BTBD1: variants seen among roughly 807,000 people sequenced by gnomAD.
BTBD1 encodes BTB/POZ domain-containing protein 1.
In BTBD1, 34 loss-of-function variants were observed where a neutral mutation model predicts 48.0. The ratio of observed to expected loss-of-function variants is 0.71; its 90% CI spans 0.54 to 0.94. BTBD1 has a LOEUF of 0.94. BTBD1 is among the 40% of genes least tolerant of loss of function. The pLI, the probability that BTBD1 is intolerant of heterozygous loss-of-function variation, is 0.00. For missense variants in BTBD1, 543 were observed against 625.6 expected (o/e 0.87, Z 1.41); for synonymous variants, 261 against 242.1 (o/e 1.08, Z -0.72).
intron 5 of BTBD1, among the ~76,000 whole-genome samples, chr15:83,025,815 C>G (rs2032394168): frequency 6.6e-6 from 1 of 151,850 alleles, no homozygotes; most frequent in African/African-American, 2.4e-5. Context: ...TGTCACCCAG[C>G]CTGGAGTGCA....
chr15:83,019,894 C>T (rs1416753986), intron 6 of BTBD1, among the ~76,000 whole-genome samples: 1 of 146,584 alleles, frequency 6.8e-6, no homozygotes, highest in African/African-American at 2.5e-5. Flanking sequence ...TGTGTGAACC[C>T]GGGAGGCGGA....
chr15:83,055,540 A>G (rs2033068473), intron 2 of BTBD1, among the ~76,000 whole-genome samples: 3 of 152,174 alleles, frequency 2.0e-5, no homozygotes, highest in Non-Finnish European at 2.9e-5. Flanking sequence ...TACAGGCTTG[A>G]GCCATCTTGC....
At chr15:83,051,546 T>C (rs2032982059) in intron 2 of BTBD1, among the ~76,000 whole-genome samples, 1 of 150,716 alleles carries the variant, frequency 6.6e-6, no homozygotes, top group Non-Finnish European at 1.5e-5. Flanking sequence ...CTCGAATGTT[T>C]GAAAATGCAC....
At chr15:83,057,954 C>G (rs1206403061) in intron 1 of BTBD1, among the ~76,000 whole-genome samples, 1 of 152,218 alleles carries the variant, frequency 6.6e-6, no homozygotes, top group Admixed American at 6.5e-5. Context: ...GCAGGGACCC[C>G]TCAAAGCCAT....
At chr15:83,055,849 T>G (rs2033072527) in intron 2 of BTBD1, among the ~76,000 whole-genome samples, 1 of 152,220 alleles carries the variant, frequency 6.6e-6, no homozygotes, top group Non-Finnish European at 1.5e-5. Context: ...ACTCCAATTC[T>G]AAATAGTTAT....
rs71156070 is a variant in BTBD1 at position 83,040,699 on chromosome 15, C to CAAAAAAAAAAAA, written c.862+1017_862+1028dup. 1.5e-3 allele frequency among the ~76,000 whole-genome samples: 86 copies of CAAAAAAAAAAAA among 57,238 alleles called. 2 individuals carry two copies. Among genetic ancestry groups the CAAAAAAAAAAAA allele is most frequent in the Middle Eastern group, 8.1e-3 (1 of 124 alleles). 37.6% of individuals were successfully genotyped at this position (57,238 alleles called of 152,430 possible). On this transcript the variant is annotated intron_variant, in intron 4 of 7. Transcript: ENST00000261721. ...TGAGCAACAGAGGGAGACCCTGTCT[C>CAAAAAAAAAAAA]AAAAAAAAAAAAAAAAAAAAAACCA...
intron 2 of BTBD1, among the ~76,000 whole-genome samples, chr15:83,056,072 G>A (rs929630149): frequency 6.8e-6 from 1 of 146,092 alleles, no homozygotes; most frequent in Non-Finnish European, 1.5e-5. Flanking sequence ...ACCACAGCCG[G>A]CTAATTTTTA....
chr15:83,037,530 C>T (rs1354294612), intron 4 of BTBD1, among the ~76,000 whole-genome samples: 2 of 152,080 alleles, frequency 1.3e-5, no homozygotes, highest in East Asian at 3.9e-4. Flanking sequence ...GGCATCAAAA[C>T]AATATCCCCA....
intron 3 of BTBD1, among the ~76,000 whole-genome samples, chr15:83,043,193 T>C (rs1442929214): frequency 6.6e-6 from 1 of 152,190 alleles, no homozygotes; most frequent in Non-Finnish European, 1.5e-5. Flanking sequence ...GCTTCACTTA[T>C]GCCAAGACAT....
At chr15:83,061,093 C>A (rs1204450938) in intron 1 of BTBD1, among the ~76,000 whole-genome samples, 2 of 152,200 alleles carry the variant, frequency 1.3e-5, no homozygotes, top group Non-Finnish European at 2.9e-5. Context: ...ATGCAAACAT[C>A]ATAGACTGCA....
chr15:83,025,357 CAAAAAAAAAAAA>C (rs767479917), intron 5 of BTBD1, among the ~76,000 whole-genome samples: 1 of 64,176 alleles, frequency 1.6e-5, no homozygotes, highest in South Asian at 8.6e-4. Flanking sequence ...GACTCCATCA[CAAAAAAAAAAAA>C]AAAAAAAAAA....
intron 7 of BTBD1, 22 bp from the exon 8 acceptor site, chr15:83,018,247 C>CT: frequency 6.6e-7 from 1 of 1,516,952 alleles, no homozygotes; most frequent in South Asian, 1.4e-5. Flanking sequence ...CAAAAGGTTC[C>CT]TTAGTAATTT....
At chr15:83,040,497 GT>G (rs1487608000) in intron 4 of BTBD1, among the ~76,000 whole-genome samples, 2 of 152,066 alleles carry the variant, frequency 1.3e-5, no homozygotes, top group African/African-American at 4.8e-5. Context: ...GAGGTCAGGA[GT>G]TCAAGACCAG....
At position 83,067,093 on chromosome 15, in the gene BTBD1, G is replaced by A. The variant is rs540785473; in HGVS notation, c.59C>T (p.Pro20Leu). The A allele has an allele frequency of 1.1e-5, 17 of 1,514,866 alleles. No homozygotes were observed. In the African/African-American group the frequency reaches 2.0e-4, roughly 18 times the overall value. The allele number at this position is 1,514,866 out of a possible 1,614,324, so 93.8% of individuals were successfully genotyped here. ...GEQASGAEAE[P>L]GPAGPPPPPS... is the part of the protein sequence containing the mutation. The stretch of plus-strand genomic sequence containing the variant: ...CGGCGGCGGCGGCCCCGCGGGGCCC[G>A]GCTCCGCCTCAGCCCCCGACGCCTG... Residue 20 changes from proline (P) to leucine (L), a missense_variant, in exon 1 of 8, where the codon CCG (proline) becomes CTG (leucine). Physicochemically the swap from Pro to Leu is moderately conservative, Grantham distance 98. Transcript: ENST00000261721.
At chr15:83,038,830 A>T (rs2032680897) in intron 4 of BTBD1, among the ~76,000 whole-genome samples, 1 of 152,222 alleles carries the variant, frequency 6.6e-6, no homozygotes, top group African/African-American at 2.4e-5. Flanking sequence ...GGCTAGCCAT[A>T]TGCTGAAGAA....
chr15:83,055,873 A>G (rs1212824112), intron 2 of BTBD1, among the ~76,000 whole-genome samples: 1 of 152,234 alleles, frequency 6.6e-6, no homozygotes, highest in Non-Finnish European at 1.5e-5. Flanking sequence ...ACCTTGAGTC[A>G]CAACACCCCA....
At chr15:83,039,668 C>A (rs2032705592) in intron 4 of BTBD1, among the ~76,000 whole-genome samples, 1 of 151,546 alleles carries the variant, frequency 6.6e-6, no homozygotes. Context: ...GTCCCAGTTA[C>A]TCAGGAGGCT....
At chr15:83,030,421 G>A (rs1289596175) in intron 4 of BTBD1, 93 bp from the exon 5 acceptor site, 8 of 1,067,936 alleles carry the variant, frequency 7.5e-6, no homozygotes, top group South Asian at 3.1e-5. Context: ...TCTAGAGGAC[G>A]TAACATAAAA....
intron 3 of BTBD1, among the ~76,000 whole-genome samples, chr15:83,045,004 C>T (rs554915512): frequency 3.3e-5 from 5 of 152,084 alleles, no homozygotes; most frequent in African/African-American, 9.6e-5. Flanking sequence ...TCCTAAAAAA[C>T]GACACTTCTA....
Sources: gnomAD v4.1 joint callset for allele counts (sites outside exome capture counted in the v4.1 genomes callset) on GRCh38, gnomAD v4.1.1 for gene constraint, MANE v1.5 for transcripts, NCBI Gene and HGNC (gene_info 2026-07-23, HGNC 2026-07-21) for gene names.